Variants in CDH13 observed in about 807,000 individuals in gnomAD.
The protein encoded by CDH13 is cadherin-13.
CDH13 carries 24 observed loss-of-function variants against 63.8 expected under a neutral mutation model. The observed-to-expected ratio is 0.38, with a 90% confidence interval of 0.27 to 0.53. The LOEUF (loss-of-function observed/expected upper bound fraction) is 0.53, where lower values mean the gene tolerates loss of function less well. Among genes scored for constraint, CDH13 ranks in the 20% least tolerant of loss-of-function variants. CDH13 has a pLI of 0.85. For missense variants in CDH13, 1,049 were observed against 903.1 expected, an observed-to-expected ratio of 1.16 and a Z score of -2.07; for synonymous variants, 503 against 355.3, an observed-to-expected ratio of 1.42 and a Z score of -4.67.
chr16:82,720,293 G>A (rs143647034), intron 1 of CDH13, among the ~76,000 whole-genome samples: 2 of 152,296 alleles, frequency 1.3e-5, no homozygotes, highest in Non-Finnish European at 2.9e-5. Flanking sequence ...GACTGACTGA[G>A]TGCTTTCTTA....
At chr16:83,504,109 G>C (rs1034345125) in intron 7 of CDH13, among the ~76,000 whole-genome samples, 5 of 152,122 alleles carry the variant, frequency 3.3e-5, no homozygotes, top group Non-Finnish European at 7.4e-5. Flanking sequence ...TATCCCAGAA[G>C]TTAAGGTAAA....
intron 8 of CDH13, among the ~76,000 whole-genome samples, chr16:83,612,815 T>C (rs1908969833): frequency 6.6e-6 from 1 of 152,166 alleles, no homozygotes. Flanking sequence ...TTTATCATCC[T>C]CCTACCTTCT....
chr16:83,422,968 C>T (rs573815531), intron 6 of CDH13, among the ~76,000 whole-genome samples: 1 of 152,096 alleles, frequency 6.6e-6, no homozygotes, highest in Non-Finnish European at 1.5e-5. Context: ...ATGCCAAATA[C>T]TAGGAATACA....
intron 1 of CDH13, among the ~76,000 whole-genome samples, chr16:82,784,302 G>T (rs545911564): frequency 5.3e-5 from 8 of 152,314 alleles, no homozygotes; most frequent in Non-Finnish European, 1.2e-4. Context: ...GAAGTATCAC[G>T]GCGCAGCATG....
chr16:83,149,075 A>G (rs958186175), intron 4 of CDH13, among the ~76,000 whole-genome samples: 1 of 152,236 alleles, frequency 6.6e-6, no homozygotes, highest in African/African-American at 2.4e-5. Context: ...CATTTAAGAA[A>G]TATGTCCTTA....
At chr16:83,371,767 C>A (rs770226970) in intron 6 of CDH13, among the ~76,000 whole-genome samples, 2 of 152,202 alleles carry the variant, frequency 1.3e-5, no homozygotes, top group Non-Finnish European at 2.9e-5. Flanking sequence ...AAACGGAACT[C>A]AGAGTGGATA....
chr16:83,204,799 T>C (rs921220697), intron 4 of CDH13, among the ~76,000 whole-genome samples: 2 of 152,216 alleles, frequency 1.3e-5, no homozygotes, highest in Admixed American at 1.3e-4. Context: ...TCGTTGTCAT[T>C]GTCCTTTCTT....
chr16:82,890,767 T>G (rs918568480), intron 2 of CDH13, among the ~76,000 whole-genome samples: 1 of 151,504 alleles, frequency 6.6e-6, no homozygotes, highest in Non-Finnish European at 1.5e-5. Context: ...TTATCCTGCC[T>G]CAGCCTCCCG....
chr16:82,972,966 C>G lies in CDH13; in HGVS notation c.158-59044C>G, dbSNP rs530635333. On this transcript the variant is annotated intron_variant, in intron 2 of 13. Transcript: ENST00000567109. ...TTTATTTTTTTAAAGTGTTCAAAAC[C>G]ATTACTTTAATGATTTGTTCTGGAG... 2.0e-5 allele frequency among the ~76,000 whole-genome samples: 3 copies of G among 152,272 alleles called. No individual in the cohort carries two copies. In the South Asian group the frequency reaches 6.2e-4, roughly 32 times the overall value.
chr16:82,988,282 A>C (rs1189204350), intron 2 of CDH13, among the ~76,000 whole-genome samples: 1 of 152,200 alleles, frequency 6.6e-6, no homozygotes, highest in African/African-American at 2.4e-5. Context: ...AATGAAATGC[A>C]CTGGGGGCAT....
chr16:83,797,864 G>C lies in CDH13; in HGVS notation c.*2834G>C, dbSNP rs769566621. 6.6e-6 allele frequency: 1 copy of C among 152,018 alleles called. No homozygotes were observed. Among genetic ancestry groups the C allele is most frequent in the South Asian group, 2.1e-4 (1 of 4,816 alleles). 9.4% of individuals were successfully genotyped at this position (152,018 alleles called of 1,614,324 possible). On this transcript the variant is annotated 3_prime_UTR_variant, in exon 14 of 14. Transcript: ENST00000567109. ...ACATTTTCTCCCTCATTTTACATAC[G>C]ATAAATTAATTATTTTGGATAATTT... is the stretch of plus-strand genomic sequence containing the variant.
intron 8 of CDH13, among the ~76,000 whole-genome samples, chr16:83,656,488 C>A (rs1156386337): frequency 2.0e-5 from 3 of 152,042 alleles, no homozygotes; most frequent in African/African-American, 7.2e-5. Context: ...GTGTGTGATT[C>A]CTCAGTAGAG....
chr16:83,713,838 CA>C (rs1278435659), intron 10 of CDH13, among the ~76,000 whole-genome samples: 1 of 152,198 alleles, frequency 6.6e-6, no homozygotes, highest in Non-Finnish European at 1.5e-5. Flanking sequence ...GTGGGGCTAT[CA>C]GGAATCTCTC....
intron 9 of CDH13, among the ~76,000 whole-genome samples, chr16:83,671,665 G>C (rs981779791): frequency 6.6e-6 from 1 of 152,190 alleles, no homozygotes; most frequent in African/African-American, 2.4e-5. Context: ...CGTGGGCTAC[G>C]ACATGACTTC....
chr16:83,463,653 T>C (rs1349574543), intron 6 of CDH13, among the ~76,000 whole-genome samples: 2 of 152,092 alleles, frequency 1.3e-5, no homozygotes, highest in East Asian at 3.9e-4. Flanking sequence ...ATTTTAAAAA[T>C]TTAACCGGGC....
At chr16:83,454,467 C>T (rs2072967244) in intron 6 of CDH13, among the ~76,000 whole-genome samples, 1 of 152,144 alleles carries the variant, frequency 6.6e-6, no homozygotes, top group Non-Finnish European at 1.5e-5. Flanking sequence ...CATCTGTGTC[C>T]ACTTGCTTCC....
chr16:83,149,448 T>C (rs571899662), intron 4 of CDH13, among the ~76,000 whole-genome samples: 1 of 152,176 alleles, frequency 6.6e-6, no homozygotes, highest in East Asian at 1.9e-4. Flanking sequence ...GTGAGAAAAC[T>C]AGAGATTCAT....
chr16:83,411,709 T>C (rs1337091358), intron 6 of CDH13, among the ~76,000 whole-genome samples: 1 of 152,152 alleles, frequency 6.6e-6, no homozygotes, highest in African/African-American at 2.4e-5. Context: ...CTAGTACACA[T>C]TACAGTGTTT....
At chr16:82,928,164 A>ATGTG (rs5818417) in intron 2 of CDH13, among the ~76,000 whole-genome samples, 34,560 of 150,822 alleles carry the variant, frequency 0.23, 5,286 homozygotes, top group East Asian at 0.78. Flanking sequence ...GCAGTCGTGT[A>ATGTG]TGTGTGTGTG....
Sources: gnomAD v4.1 joint callset for allele counts (sites outside exome capture counted in the v4.1 genomes callset) on GRCh38, gnomAD v4.1.1 for gene constraint, MANE v1.5 for transcripts, NCBI Gene and HGNC (gene_info 2026-07-23, HGNC 2026-07-21) for gene names.